KHDRBS2: variants seen among roughly 807,000 people sequenced by gnomAD.
The protein encoded by KHDRBS2 is KH RNA binding domain containing, signal transduction associated 2, also known as KH domain-containing, RNA-binding, signal transduction-associated protein 2.
KHDRBS2 carries 26 observed loss-of-function variants against 44.3 expected under a neutral mutation model. The observed-to-expected ratio is 0.59, with a 90% CI of 0.43 to 0.81. The LOEUF (loss-of-function observed/expected upper bound fraction) is 0.81, where lower values mean the gene tolerates loss of function less well. KHDRBS2 is among the 40% of genes least tolerant of loss of function. KHDRBS2 has a pLI of 0.00. For missense variants in KHDRBS2, 476 were observed against 433.1 expected, an observed-to-expected ratio of 1.10 and a Z score of -0.88; for synonymous variants, 194 against 151.1, an observed-to-expected ratio of 1.28 and a Z score of -2.08.
rs879467712 is a variant in KHDRBS2 at position 62,010,772 on chromosome 6, T to TA, written c.337-32561dup. On this transcript the variant is annotated intron_variant, in intron 3 of 8. Coordinates refer to ENST00000281156, the MANE Select transcript of KHDRBS2 (RefSeq NM_152688.4). The stretch of plus-strand genomic sequence containing the variant: ...GCCTTCCACCACGATTGTAATAGTT[T>TA]AAAAAAACCTCATCTGTTAAATATT... 1.5e-3 allele frequency among the ~76,000 whole-genome samples: 226 copies of TA among 152,240 alleles called. 8 individuals carry two copies. Among genetic ancestry groups the TA allele is most frequent in the Middle Eastern group, 3.4e-3 (1 of 294 alleles).
At chr6:62,030,633 C>T (rs771793185) in intron 3 of KHDRBS2, among the ~76,000 whole-genome samples, 5 of 151,960 alleles carry the variant, frequency 3.3e-5, no homozygotes, top group Non-Finnish European at 7.4e-5. Flanking sequence ...ATGTTACTAA[C>T]GTCAAGTAAA....
At position 61,858,957 on chromosome 6, in the gene KHDRBS2, G is replaced by C. The variant is rs1218131266; in HGVS notation, c.810+35678C>G. ...TAAATTTAAAATTACTTCTACACATGGATAAAGACTGGAAAATATGGAACA... is the reference window on the plus strand; with the variant it reads ...TAAATTTAAAATTACTTCTACACATCGATAAAGACTGGAAAATATGGAACA... On this transcript the variant is annotated intron_variant, in intron 6 of 8. Transcript: ENST00000281156. Among the ~76,000 whole-genome samples the C allele has an allele frequency of 2.0e-5, 3 of 151,582 alleles. No individual in the cohort carries two copies. The East Asian group carries it at 5.8e-4, about 29-fold the overall frequency.
chr6:62,162,553 G>T (rs209010), intron 2 of KHDRBS2, among the ~76,000 whole-genome samples: 26,280 of 151,928 alleles, frequency 0.17, 2,589 homozygotes, highest in African/African-American at 0.27. Flanking sequence ...CTACTACTGT[G>T]CTAACAGTTG....
At chr6:61,671,374 G>A in the KHDRBS2 span, among the ~76,000 whole-genome samples, 2,475 of 151,636 alleles carry the variant, frequency 0.016, 32 homozygotes, top group Non-Finnish European at 0.027. Context: ...ATTTTTTTGT[G>A]TTTGGGTATA....
chr6:62,190,137 T>A (rs1179303973), intron 1 of KHDRBS2, among the ~76,000 whole-genome samples: 3 of 151,756 alleles, frequency 2.0e-5, no homozygotes, highest in Non-Finnish European at 4.4e-5. Flanking sequence ...AGGAAGAAAA[T>A]CAGGAAAATG....
At chr6:61,660,320 C>T in the KHDRBS2 span, among the ~76,000 whole-genome samples, 4 of 151,664 alleles carry the variant, frequency 2.6e-5, no homozygotes, top group African/African-American at 7.3e-5. Context: ...TCCTCTGAGA[C>T]AAAATGGAAG....
At chr6:62,028,921 T>A (rs2127289774) in intron 3 of KHDRBS2, among the ~76,000 whole-genome samples, 1 of 152,194 alleles carries the variant, frequency 6.6e-6, no homozygotes, top group African/African-American at 2.4e-5. Context: ...TAAGAAGTGA[T>A]AATTTTTTTT....
At chr6:61,707,728 T>G (rs1769822089) in intron 7 of KHDRBS2, among the ~76,000 whole-genome samples, 1 of 151,698 alleles carries the variant, frequency 6.6e-6, no homozygotes, top group Non-Finnish European at 1.5e-5. Flanking sequence ...TAGATAGAAG[T>G]GAAGTTATAT....
chr6:62,212,477 A>G (rs2150145954), intron 1 of KHDRBS2, among the ~76,000 whole-genome samples: 1 of 152,138 alleles, frequency 6.6e-6, no homozygotes, highest in African/African-American at 2.4e-5. Flanking sequence ...CTAACCCTCT[A>G]AGTACCTCAG....
At chr6:61,729,686 A>G (rs1431870992) in intron 7 of KHDRBS2, among the ~76,000 whole-genome samples, 1 of 152,128 alleles carries the variant, frequency 6.6e-6, no homozygotes, top group Non-Finnish European at 1.5e-5. Context: ...AATTTTCCTA[A>G]TGAATAATGA....
chr6:62,276,640 T>C (rs1434136247), intron 1 of KHDRBS2, among the ~76,000 whole-genome samples: 1 of 152,216 alleles, frequency 6.6e-6, no homozygotes, highest in African/African-American at 2.4e-5. Context: ...AATTCCCCCA[T>C]TCATAAATTT....
chr6:62,258,242 T>C (rs1837740709), intron 1 of KHDRBS2, among the ~76,000 whole-genome samples: 2 of 151,992 alleles, frequency 1.3e-5, no homozygotes, highest in Non-Finnish European at 2.9e-5. Context: ...CTAGATGGGT[T>C]TTTTAAACGT....
At chr6:61,612,234 C>T in the KHDRBS2 span, among the ~76,000 whole-genome samples, 1 of 152,042 alleles carries the variant, frequency 6.6e-6, no homozygotes, top group East Asian at 1.9e-4. Flanking sequence ...AATGAGGACA[C>T]TTTTTCTAGA....
At chr6:61,619,074 A>C in the KHDRBS2 span, among the ~76,000 whole-genome samples, 9 of 152,174 alleles carry the variant, frequency 5.9e-5, no homozygotes, top group African/African-American at 2.2e-4. Context: ...TTGAAGAGTA[A>C]GTGAGCTAAG....
At chr6:61,823,488 C>G (rs1288012756) in intron 6 of KHDRBS2, among the ~76,000 whole-genome samples, 1 of 152,018 alleles carries the variant, frequency 6.6e-6, no homozygotes, top group Non-Finnish European at 1.5e-5. Context: ...TGGTTAAAGA[C>G]ATAGTCTAAT....
intron 6 of KHDRBS2, among the ~76,000 whole-genome samples, chr6:61,782,671 C>T (rs1223748903): frequency 9.1e-6 from 1 of 109,454 alleles, no homozygotes; most frequent in Non-Finnish European, 2.0e-5. Flanking sequence ...ATTTTTTATA[C>T]CTGTGTATAA....
chr6:62,186,775 G>T (rs1823521376), intron 1 of KHDRBS2, among the ~76,000 whole-genome samples: 1 of 152,022 alleles, frequency 6.6e-6, no homozygotes, highest in Non-Finnish European at 1.5e-5. Flanking sequence ...TTTTAACTGT[G>T]TTGAGACTCA....
chr6:62,248,819 C>T (rs1001949757), intron 1 of KHDRBS2, among the ~76,000 whole-genome samples: 5 of 152,116 alleles, frequency 3.3e-5, no homozygotes, highest in African/African-American at 1.2e-4. Flanking sequence ...TGTACCATTG[C>T]CACTGCAAAC....
intron 2 of KHDRBS2, among the ~76,000 whole-genome samples, chr6:62,172,116 A>G (rs1048562312): frequency 6.6e-6 from 1 of 152,136 alleles, no homozygotes; most frequent in Non-Finnish European, 1.5e-5. Context: ...TGCCCCAACT[A>G]AAAGGCACAG....
Sources: allele counts gnomAD v4.1 joint callset (sites outside exome capture counted in the v4.1 genomes callset), GRCh38; gene constraint gnomAD v4.1.1; transcripts MANE v1.5; gene names NCBI Gene and HGNC (gene_info 2026-07-23, HGNC 2026-07-21).